Variants in SIAH1 observed in about 807,000 individuals in gnomAD.
SIAH1 encodes siah E3 ubiquitin protein ligase 1.
A neutral mutation model predicts 20.0 loss-of-function variants in SIAH1; 2 were observed. The observed-to-expected ratio is 0.10, with a 90% CI of 0.04 to 0.31. SIAH1 has a LOEUF of 0.31. SIAH1 is among the 10% of genes least tolerant of loss of function. The probability of loss-of-function intolerance (pLI) is 1.00; values close to 1 mark genes in which losing one functional copy is unlikely to be tolerated. For synonymous variants in SIAH1, 118 were observed against 125.3 expected, an observed-to-expected ratio of 0.94 and a Z score of 0.39; for missense variants, 119 against 355.3, an observed-to-expected ratio of 0.33 and a Z score of 5.35.
intron 1 of SIAH1, chr16:48,363,735 T>G (rs1304172141): frequency 6.0e-6 from 1 of 166,986 alleles, no homozygotes; most frequent in Non-Finnish European, 1.5e-5. Flanking sequence ...AGCAGAGTAA[T>G]AAACATTATT....
At chr16:48,365,373 C>G in intron 1 of SIAH1, 1 of 1,613,740 alleles carries the variant, frequency 6.2e-7, no homozygotes. Context: ...AAACCATCCT[C>G]TTAATGTCAA....
upstream of SIAH1, among the ~76,000 whole-genome samples, chr16:48,385,872 C>A (rs1457031723): frequency 6.6e-6 from 1 of 152,206 alleles, no homozygotes; most frequent in Non-Finnish European, 1.5e-5. Context: ...ACGGATCCTT[C>A]CCAACTCCAC....
chr16:48,376,858 C>A (rs1206023504), intron 1 of SIAH1, among the ~76,000 whole-genome samples: 3 of 152,066 alleles, frequency 2.0e-5, no homozygotes, highest in Non-Finnish European at 4.4e-5. Flanking sequence ...TGAGTTCTGG[C>A]CAAATTCAAA....
Position 48,360,895 on chromosome 16 carries a change from A to T in SIAH1, c.*685T>A, listed in dbSNP as rs1567365148. ...ATGTCACCTTTACTTTCTGGAACTC[A>T]TGGCTTCACAAAATAGCTGATTTTA... On this transcript the variant is annotated 3_prime_UTR_variant, in exon 2 of 2. Transcript: ENST00000394725. 1 of 152,210 alleles carries T rather than the reference A, an allele frequency of 6.6e-6. No individual in the cohort carries two copies. The highest frequency in any genetic ancestry group is 6.5e-5 in the Admixed American group (1 of 15,280). 9.4% of individuals were successfully genotyped at this position (152,210 alleles called of 1,614,324 possible). A position where few individuals can be genotyped will look rare whatever the true frequency, so the allele number is the denominator to read the frequency against.
At position 48,362,437 on chromosome 16, in the gene SIAH1, T is replaced by C. The variant is rs1960628047; in HGVS notation, c.-2-7A>G. The C allele has an allele frequency of 6.2e-7, 1 of 1,613,662 alleles. No homozygotes were observed. Among genetic ancestry groups the C allele is most frequent in the Non-Finnish European group, 8.5e-7 (1 of 1,179,764 alleles). ...GCAGTCTGACGGCTCATTTCTGAAATAAATACATAAGGAGGCAGGAGAAAA... is the reference window on the plus strand; with the variant it reads ...GCAGTCTGACGGCTCATTTCTGAAACAAATACATAAGGAGGCAGGAGAAAA... On this transcript the variant is annotated splice_polypyrimidine_tract_variant and splice_region_variant and intron_variant, in intron 1 of 1. Transcript: ENST00000394725. This position sits in a 1 kb window ranked among gnomAD's most constrained non-coding sequence, Gnocchi z 4.2.
chr16:48,378,047 C>G (rs1961159432), intron 1 of SIAH1, among the ~76,000 whole-genome samples: 1 of 152,074 alleles, frequency 6.6e-6, no homozygotes, highest in South Asian at 2.1e-4. Context: ...GTGAAAGAAG[C>G]CAAACAGAAA....
At chr16:48,370,650 CA>C (rs1268029232) in intron 1 of SIAH1, among the ~76,000 whole-genome samples, 2 of 151,828 alleles carry the variant, frequency 1.3e-5, no homozygotes, top group Non-Finnish European at 2.9e-5. Flanking sequence ...ACTAAAAATA[CA>C]AAAAATTAGC....
At chr16:48,375,052 C>T (rs74017946) in intron 1 of SIAH1, among the ~76,000 whole-genome samples, 1,876 of 152,200 alleles carry the variant, frequency 0.012, 40 homozygotes, top group African/African-American at 0.043. Flanking sequence ...GTGGTGGCTA[C>T]GGCAAGATAA....
intron 1 of SIAH1, among the ~76,000 whole-genome samples, chr16:48,378,814 C>T (rs1231882158): frequency 6.6e-6 from 1 of 152,182 alleles, no homozygotes; most frequent in African/African-American, 2.4e-5. Context: ...TTCATCCCTA[C>T]TTCATGGGGC....
At chr16:48,365,973 A>AGGGCGC in intron 1 of SIAH1, 1 of 1,107,902 alleles carries the variant, frequency 9.0e-7, no homozygotes, top group Non-Finnish European at 1.1e-6. Flanking sequence ...CCGGGGCGCC[A>AGGGCGC]GGGCCAGTTC....
intron 1 of SIAH1, among the ~76,000 whole-genome samples, chr16:48,384,249 C>G (rs1961376179): frequency 6.6e-6 from 1 of 152,150 alleles, no homozygotes; most frequent in South Asian, 2.1e-4. Flanking sequence ...CCATGTCTCT[C>G]TGTTTGTTTA....
In SIAH1 at chr16:48,362,348, G is replaced by A; in HGVS notation, c.81C>T (p.Gly27=). ...CCAAGTCATTGTTGGATGCAGTTGT[G>A]CCAGTCAGGGCAGGCACCCTCTGGG... is the stretch of plus-strand genomic sequence containing the variant. ...PPSQRVPALT[G]TTASNNDLAS... is the part of the protein sequence containing the mutation. The change falls in exon 2 of 2, where the codon GGC becomes GGT. Residue 27 remains glycine (G), a synonymous_variant. Coordinates refer to ENST00000394725, the MANE Select transcript of SIAH1 (RefSeq NM_003031.4). The surrounding 1 kb of genome is among the most constrained non-coding windows in gnomAD (Gnocchi z 4.2). The A allele has an allele frequency of 6.2e-7, 1 of 1,614,208 alleles. No individual in the cohort carries two copies. Among genetic ancestry groups the A allele is most frequent in the Admixed American group, 1.7e-5 (1 of 60,026 alleles).
intron 1 of SIAH1, chr16:48,365,763 A>G (rs1960811216): frequency 4.5e-6 from 6 of 1,344,212 alleles, no homozygotes; most frequent in Non-Finnish European, 1.9e-6. Flanking sequence ...TCTGTCTCCC[A>G]AGTTTGTTTT....
intron 1 of SIAH1, among the ~76,000 whole-genome samples, chr16:48,374,674 G>T (rs548647831): frequency 2.0e-5 from 3 of 152,146 alleles, no homozygotes; most frequent in Non-Finnish European, 4.4e-5. Flanking sequence ...TAGACAAGCG[G>T]CAAGGAATGT....
intron 1 of SIAH1, among the ~76,000 whole-genome samples, chr16:48,379,318 G>A (rs907109000): frequency 5.9e-5 from 9 of 152,132 alleles, no homozygotes; most frequent in African/African-American, 2.2e-4. Context: ...GCTTAGAGAG[G>A]TTCAGTAATC....
upstream of SIAH1, among the ~76,000 whole-genome samples, chr16:48,386,488 C>G (rs535957527): frequency 1.3e-5 from 2 of 152,314 alleles, no homozygotes; most frequent in East Asian, 3.9e-4. Flanking sequence ...GCCTGGACAA[C>G]AGAGCGAGAC....
intron 1 of SIAH1, among the ~76,000 whole-genome samples, chr16:48,368,653 G>A (rs1288349188): frequency 6.6e-6 from 1 of 151,848 alleles, no homozygotes; most frequent in East Asian, 1.9e-4. Context: ...AGCCAAGATC[G>A]ACTTGAACCC....
intron 1 of SIAH1, among the ~76,000 whole-genome samples, chr16:48,375,734 G>A (rs1597029838): frequency 6.6e-6 from 1 of 152,136 alleles, no homozygotes. Context: ...AAAAAAATAG[G>A]TAAGTATAAT....
intron 1 of SIAH1, among the ~76,000 whole-genome samples, chr16:48,372,065 A>G (rs938914871): frequency 6.6e-6 from 1 of 152,226 alleles, no homozygotes; most frequent in South Asian, 2.1e-4. Context: ...GCAGTAATCT[A>G]TATTTGGGAT....
Sources: allele counts gnomAD v4.1 joint callset (sites outside exome capture counted in the v4.1 genomes callset), GRCh38; gene constraint gnomAD v4.1.1; non-coding constraint Gnocchi (gnomAD v3.1); transcripts MANE v1.5; gene names NCBI Gene and HGNC (gene_info 2026-07-23, HGNC 2026-07-21).